The following SAXO5 variants were observed in gnomAD, a reference collection of about 807,000 sequenced individuals.
The protein encoded by SAXO5 is testis expressed 45.
At chr19:7,506,999 C>T in the SAXO5 span, 1 of 1,445,480 alleles carries the variant, frequency 6.9e-7, no homozygotes, top group South Asian at 1.1e-5. Flanking sequence ...TTCACCACAC[C>T]CTCAGCCCCG....
the SAXO5 span, chr19:7,506,126 C>T: frequency 6.2e-7 from 1 of 1,612,260 alleles, no homozygotes; most frequent in Non-Finnish European, 8.5e-7. Flanking sequence ...AGCGCCCAAC[C>T]TCCACTTGCA....
chr19:7,498,287 T>C, the SAXO5 span, among the ~76,000 whole-genome samples: 1 of 150,636 alleles, frequency 6.6e-6, no homozygotes, highest in Non-Finnish European at 1.5e-5. Context: ...CTCGGATCAC[T>C]GCAACCTCTG....
chr19:7,500,246 A>G, the SAXO5 span, among the ~76,000 whole-genome samples: 1 of 152,066 alleles, frequency 6.6e-6, no homozygotes, highest in Non-Finnish European at 1.5e-5. Flanking sequence ...GTAGGGACAG[A>G]AATCATTTAT....
chr19:7,501,943 C>T, the SAXO5 span, among the ~76,000 whole-genome samples: 2 of 150,494 alleles, frequency 1.3e-5, no homozygotes, highest in African/African-American at 4.9e-5. Context: ...GGGAGGAAGA[C>T]TTGGGGGGTG....
At chr19:7,500,324 C>T in the SAXO5 span, among the ~76,000 whole-genome samples, 17 of 151,966 alleles carry the variant, frequency 1.1e-4, no homozygotes, top group Non-Finnish European at 1.6e-4. Flanking sequence ...TGTTTTGAGA[C>T]GGAGTCTCGC....
At chr19:7,501,376 C>T in the SAXO5 span, 5 of 1,507,350 alleles carry the variant, frequency 3.3e-6, no homozygotes, top group African/African-American at 7.2e-5. Context: ...CGCCCGCAGC[C>T]TCGCGCGCCC....
chr19:7,501,076 C>G, the SAXO5 span: 4 of 1,500,092 alleles, frequency 2.7e-6, no homozygotes, highest in Non-Finnish European at 3.5e-6. Flanking sequence ...GCGCACCGCG[C>G]GTTCCCGCCG....
chr19:7,497,889 G>T, the SAXO5 span, among the ~76,000 whole-genome samples: 1 of 152,096 alleles, frequency 6.6e-6, no homozygotes, highest in Non-Finnish European at 1.5e-5. Context: ...GGTGGCTCAT[G>T]CCTGTAATCC....
chr19:7,506,012 T>C, the SAXO5 span: 14 of 1,607,828 alleles, frequency 8.7e-6, no homozygotes, highest in South Asian at 1.3e-4. Flanking sequence ...TCATGAGAAA[T>C]TGCAGAGTCA....
At chr19:7,508,172 C>G in the SAXO5 span, 2 of 1,587,314 alleles carry the variant, frequency 1.3e-6, no homozygotes, top group South Asian at 2.2e-5. Context: ...ACCTCCCAGG[C>G]TGCCCTGCCA....
the SAXO5 span, among the ~76,000 whole-genome samples, chr19:7,503,589 A>G: frequency 1.3e-5 from 2 of 151,854 alleles, no homozygotes; most frequent in Non-Finnish European, 2.9e-5. Context: ...AGTTCAAATT[A>G]TTCTCCTGTC....
chr19:7,505,181 C>T, the SAXO5 span: 4 of 735,796 alleles, frequency 5.4e-6, no homozygotes, highest in South Asian at 6.4e-5. Flanking sequence ...TGGGGTTTCA[C>T]CATTTTTGCC....
chr19:7,506,048 C>T, the SAXO5 span: 1 of 1,613,908 alleles, frequency 6.2e-7, no homozygotes. Flanking sequence ...GCCAAAGCTA[C>T]TCAAACGCTT....
the SAXO5 span, chr19:7,500,906 G>C: frequency 6.3e-7 from 1 of 1,581,660 alleles, no homozygotes; most frequent in Non-Finnish European, 8.5e-7. Flanking sequence ...ACTTCTCGCT[G>C]GGGCCTGACC....
At chr19:7,497,713 A>C in the SAXO5 span, 1 of 152,198 alleles carries the variant, frequency 6.6e-6, no homozygotes, top group East Asian at 1.9e-4. Context: ...CCTGATGTAC[A>C]GAGGTGAAAA....
At chr19:7,498,229 G>T in the SAXO5 span, among the ~76,000 whole-genome samples, 1 of 150,220 alleles carries the variant, frequency 6.7e-6, no homozygotes, top group Non-Finnish European at 1.5e-5. Flanking sequence ...TTCTATTTTT[G>T]TGATGGGGTT....
At chr19:7,501,606 G>A in the SAXO5 span, among the ~76,000 whole-genome samples, 5 of 151,976 alleles carry the variant, frequency 3.3e-5, no homozygotes, top group African/African-American at 1.2e-4. Context: ...GGGATCGCTT[G>A]AGGTCAAGAG....
the SAXO5 span, among the ~76,000 whole-genome samples, chr19:7,500,114 G>C: frequency 6.6e-6 from 1 of 151,958 alleles, no homozygotes; most frequent in East Asian, 1.9e-4. Context: ...AATTTTTGTT[G>C]TTATATTTTT....
the SAXO5 span, among the ~76,000 whole-genome samples, chr19:7,500,507 A>G: frequency 1.3e-5 from 2 of 151,794 alleles, no homozygotes; most frequent in African/African-American, 4.8e-5. Context: ...ACAGGGTTTC[A>G]CCACGTTGGC....
Sources: gnomAD v4.1 joint callset for allele counts (sites outside exome capture counted in the v4.1 genomes callset) on GRCh38, gnomAD v4.1.1 for gene constraint, MANE v1.5 for transcripts, NCBI Gene and HGNC (gene_info 2026-07-23, HGNC 2026-07-21) for gene names.